The following WNT9A variants were observed in gnomAD, a reference collection of about 807,000 sequenced individuals.
The protein encoded by WNT9A is protein Wnt-9a.
WNT9A carries 8 observed loss-of-function variants against 31.4 expected under a neutral mutation model. The observed-to-expected ratio is 0.26, with a 90% CI of 0.15 to 0.46. The LOEUF (loss-of-function observed/expected upper bound fraction) is 0.46, where lower values mean the gene tolerates loss of function less well. Ranked by LOEUF, WNT9A falls within the 20% of genes least tolerant of loss-of-function variation. The probability of loss-of-function intolerance (pLI) is 0.99; values close to 1 mark genes in which losing one functional copy is unlikely to be tolerated. For synonymous variants in WNT9A, 236 were observed against 220.1 expected (o/e 1.07, Z -0.64); for missense variants, 457 against 522.9 (o/e 0.87, Z 1.23).
At chr1:227,924,489 A>G in intron 2 of WNT9A, 89 bp from the exon 3 acceptor site, 2 of 1,489,568 alleles carry the variant, frequency 1.3e-6, no homozygotes, top group South Asian at 2.6e-5. Context: ...AAGAGTATGA[A>G]TCCCATGTTG....
intron 1 of WNT9A, among the ~76,000 whole-genome samples, chr1:227,929,101 G>A (rs1572128060): frequency 6.6e-6 from 1 of 152,076 alleles, no homozygotes; most frequent in African/African-American, 2.4e-5. Context: ...TACAGGCCAA[G>A]GGAAGGAAAC....
intron 1 of WNT9A, among the ~76,000 whole-genome samples, chr1:227,939,703 CT>C (rs1427098691): frequency 6.6e-6 from 1 of 152,228 alleles, no homozygotes; most frequent in African/African-American, 2.4e-5. Context: ...ACCCAGCTTT[CT>C]CCCCCAGGCT....
At chr1:227,922,175 T>C (rs1447269064) in intron 3 of WNT9A, among the ~76,000 whole-genome samples, 175 bp from the exon 4 acceptor site, 4 of 152,276 alleles carry the variant, frequency 2.6e-5, no homozygotes, top group African/African-American at 7.2e-5. Flanking sequence ...GCTCGTAGCA[T>C]TGTCCTACCT....
chr1:227,921,854 G>A lies in WNT9A; in HGVS notation c.762C>T (p.Gly254=). The A allele has an allele frequency of 1.2e-6, 2 of 1,613,136 alleles. No homozygotes were observed. Among genetic ancestry groups the A allele is most frequent in the African/African-American group, 1.3e-5 (1 of 75,056 alleles). ...CGCCGGCAGCTTCATTGGTGGTGCTGCCCACCTTGAGTGCCGTCTCATACT... is the reference window on the plus strand; with the variant it reads ...CGCCGGCAGCTTCATTGGTGGTGCTACCCACCTTGAGTGCCGTCTCATACT... The part of the protein sequence containing the change: ...KHKYETALKV[G]STTNEAAGEA... Residue 254 remains glycine (G), a synonymous_variant, in exon 4 of 4, where the codon GGC becomes GGT. Coordinates refer to ENST00000272164, the MANE Select transcript of WNT9A (RefSeq NM_003395.4).
chr1:227,936,353 C>T (rs1046713783), intron 1 of WNT9A, among the ~76,000 whole-genome samples: 4 of 152,134 alleles, frequency 2.6e-5, no homozygotes, highest in African/African-American at 9.7e-5. Flanking sequence ...ACATGCCCAG[C>T]TAATTTTTTT....
intron 1 of WNT9A, among the ~76,000 whole-genome samples, chr1:227,934,930 A>C (rs1305747091): frequency 1.3e-5 from 2 of 148,618 alleles, no homozygotes; most frequent in African/African-American, 2.5e-5. Flanking sequence ...TGAGTCACAG[A>C]CTCAGGTCAC....
At position 227,925,425 on chromosome 1, in the gene WNT9A, G is replaced by A. The variant is rs1449177274; in HGVS notation, c.190C>T (p.Leu64=). 6.2e-7 allele frequency: 1 copy of A among 1,602,904 alleles called. No individual in the cohort carries two copies. Residue 64 remains leucine, a synonymous_variant, in exon 2 of 4, where the codon CTG becomes TTG. Transcript: ENST00000272164. This position sits in a 1 kb window ranked among gnomAD's most constrained non-coding sequence, Gnocchi z 6.0. The part of the protein sequence containing the change: ...AHYKACDRLK[L]ERKQRRMCRR... ...CACATGCGCCGCTGCTTCCGCTCCA[G>A]CTTCAGCCGGTCGCAGGCCTTGTAG...
chr1:227,934,202 A>C (rs568725512), intron 1 of WNT9A, among the ~76,000 whole-genome samples: 25 of 152,304 alleles, frequency 1.6e-4, no homozygotes, highest in African/African-American at 5.5e-4. Context: ...TTGGGTATAC[A>C]CCTGGGAGTG....
intron 1 of WNT9A, among the ~76,000 whole-genome samples, chr1:227,945,399 A>T (rs1219206267): frequency 6.6e-6 from 1 of 152,124 alleles, no homozygotes. Flanking sequence ...TCTTCCCCAC[A>T]GGGGGTCCAG....
At chr1:227,943,058 C>T (rs747706738) in intron 1 of WNT9A, among the ~76,000 whole-genome samples, 18 of 152,216 alleles carry the variant, frequency 1.2e-4, no homozygotes, top group Non-Finnish European at 2.6e-4. Flanking sequence ...TGGGACCAGG[C>T]AGGGTATGTC....
intron 2 of WNT9A, 127 bp from the exon 3 acceptor site, chr1:227,924,527 C>T: frequency 2.9e-6 from 4 of 1,364,232 alleles, no homozygotes; most frequent in Non-Finnish European, 4.0e-6. Flanking sequence ...CCTGGTGCTG[C>T]ACTCGGGACA....
chr1:227,924,741 T>A (rs1032859984), intron 2 of WNT9A, among the ~76,000 whole-genome samples: 1 of 152,194 alleles, frequency 6.6e-6, no homozygotes, highest in African/African-American at 2.4e-5. Flanking sequence ...GGTCCCCAAT[T>A]TTTAAACAAG....
Position 227,926,177 on chromosome 1 carries a change from T to G in WNT9A, c.96-658A>C, listed in dbSNP as rs1175090412. The stretch of plus-strand genomic sequence containing the variant: ...CCTCTCACCTCACCAAATCTGGACA[T>G]CCTCCTTTGCAGGACAGACCCCAGC... On this transcript the variant is annotated intron_variant, in intron 1 of 3. Transcript: ENST00000272164. This position sits in a 1 kb window ranked among gnomAD's most constrained non-coding sequence, Gnocchi z 5.0. 2.6e-5 allele frequency among the ~76,000 whole-genome samples: 4 copies of G among 151,958 alleles called. No homozygotes were observed. The highest frequency in any genetic ancestry group is 4.4e-5 in the Non-Finnish European group (3 of 67,958).
chr1:227,922,485 G>T (rs758272945), intron 3 of WNT9A, among the ~76,000 whole-genome samples: 1 of 152,250 alleles, frequency 6.6e-6, no homozygotes, highest in Non-Finnish European at 1.5e-5. Flanking sequence ...GGAACCAGGT[G>T]CTACCGCACA....
rs1191980799 is a variant in WNT9A at position 227,928,994 on chromosome 1, C to T, written c.96-3475G>A. The stretch of plus-strand genomic sequence containing the variant: ...ACAACTCACACCCCAGACCAGGGGC[C>T]GGCGCTGTGCACGTGTGTGTGTGTG... On this transcript the variant is annotated intron_variant, in intron 1 of 3. Coordinates refer to ENST00000272164, the MANE Select transcript of WNT9A (RefSeq NM_003395.4). The surrounding 1 kb of genome is among the most constrained non-coding windows in gnomAD (Gnocchi z 4.5). Among the ~76,000 whole-genome samples, 2 of 152,182 alleles carry T rather than the reference C, an allele frequency of 1.3e-5. No individual in the cohort carries two copies. The highest frequency in any genetic ancestry group is 2.9e-5 in the Non-Finnish European group (2 of 68,028).
At chr1:227,933,550 G>A (rs1219593819) in intron 1 of WNT9A, among the ~76,000 whole-genome samples, 1 of 152,164 alleles carries the variant, frequency 6.6e-6, no homozygotes, top group Non-Finnish European at 1.5e-5. Flanking sequence ...GCCTGTCTTG[G>A]CTTTGGACAT....
intron 1 of WNT9A, among the ~76,000 whole-genome samples, chr1:227,933,989 C>T (rs780673803): frequency 2.3e-4 from 35 of 152,328 alleles, no homozygotes; most frequent in Admixed American, 7.8e-4. Context: ...ACAATGTCCT[C>T]GAGGTTCATC....
At position 227,921,613 on chromosome 1, in the gene WNT9A, C is replaced by T; in HGVS notation, c.1003G>A (p.Val335Met). The T allele has an allele frequency of 6.2e-7, 1 of 1,613,480 alleles. No homozygotes were observed. Among genetic ancestry groups the T allele is most frequent in the Non-Finnish European group, 8.5e-7 (1 of 1,180,006 alleles). Residue 335 changes from valine (V) to methionine (M), a missense_variant, in exon 4 of 4, where the codon GTG becomes ATG. Val to Met is a conservative substitution (Grantham distance 21, BLOSUM62 1). Transcript: ENST00000272164. ...GRGHNTQSRV[V>M]TRPCQCQVRW... ...ACCTGGCACTGGCAGGGCCTTGTCA[C>T]CACCCGGCTCTGTGTGTTATGGCCG...
rs74618199 is a variant in WNT9A, at chr1:227,935,482, C to T, written c.96-9963G>A. ...TCTGGCCCTCTCCTCCTTCTTCTCTCGAGATTCCCTCTGTGCCCTAAGCCC... is the reference window on the plus strand; with the variant it reads ...TCTGGCCCTCTCCTCCTTCTTCTCTTGAGATTCCCTCTGTGCCCTAAGCCC... On this transcript the variant is annotated intron_variant, in intron 1 of 3. Coordinates refer to ENST00000272164, the MANE Select transcript of WNT9A (RefSeq NM_003395.4). 3.7e-4 allele frequency among the ~76,000 whole-genome samples: 57 copies of T among 152,350 alleles called. No homozygotes were observed. The East Asian group carries it at 6.4e-3, about 17-fold the overall frequency.
Sources: gnomAD v4.1 joint callset for allele counts (sites outside exome capture counted in the v4.1 genomes callset) on GRCh38, gnomAD v4.1.1 for gene constraint, Gnocchi (gnomAD v3.1) non-coding constraint, MANE v1.5 for transcripts, NCBI Gene and HGNC (gene_info 2026-07-23, HGNC 2026-07-21) for gene names.